Variants in KIAA1217 observed in about 807,000 individuals in gnomAD.
KIAA1217 encodes the protein KIAA1217, also known as sickle tail protein homolog.
KIAA1217 carries 88 observed loss-of-function variants against 163.9 expected under a neutral mutation model. That is an observed-to-expected ratio of 0.54 (90% CI 0.45 to 0.64). KIAA1217 has a LOEUF of 0.64. Among genes scored for constraint, KIAA1217 ranks in the 30% least tolerant of loss-of-function variants. KIAA1217 has a pLI of 0.00. For synonymous variants in KIAA1217, 903 were observed against 923.1 expected, an observed-to-expected ratio of 0.98 and a Z score of 0.39; for missense variants, 2,372 against 2,475.0, an observed-to-expected ratio of 0.96 and a Z score of 0.88.
Position 24,543,787 on chromosome 10 carries a change from T to C in KIAA1217, c.4517T>C (p.Val1506Ala), listed in dbSNP as rs1462046517. The change falls in exon 19 of 21, where the codon GTG (valine) becomes GCG (alanine). Residue 1506 changes from valine to alanine, a missense_variant. Coordinates refer to ENST00000376454, the MANE Select transcript of KIAA1217 (RefSeq NM_019590.5). ...ACTTCCCAGATGTCTCATAAGAAGG[T>C]GGCCCCAGGCAATCTTAGAACCGGA... is the stretch of plus-strand genomic sequence containing the variant. ...NNTSQMSHKKVAPGNLRTGQQ... is the reference protein window; with the variant it reads ...NNTSQMSHKKAAPGNLRTGQQ... 6.2e-7 allele frequency: 1 copy of C among 1,613,422 alleles called. No individual in the cohort carries two copies. The highest frequency in any genetic ancestry group is 8.5e-7 in the Non-Finnish European group (1 of 1,179,828).
intron 2 of KIAA1217, among the ~76,000 whole-genome samples, chr10:24,162,638 C>T (rs2065171342): frequency 6.6e-6 from 1 of 152,204 alleles, no homozygotes; most frequent in African/African-American, 2.4e-5. Context: ...AAAAATTGCC[C>T]ACCAGAATAG....
At chr10:23,867,338 T>C (rs933515677) in intron 1 of KIAA1217, among the ~76,000 whole-genome samples, 3 of 151,718 alleles carry the variant, frequency 2.0e-5, no homozygotes, top group African/African-American at 7.2e-5. Flanking sequence ...TATAGCAGCA[T>C]GATTTATAGT....
At chr10:24,465,513 G>T (rs1306247117) in intron 5 of KIAA1217, among the ~76,000 whole-genome samples, 1 of 152,236 alleles carries the variant, frequency 6.6e-6, no homozygotes, top group Non-Finnish European at 1.5e-5. Flanking sequence ...TGGTAGTTGG[G>T]TGTGGCGTGA....
chr10:24,371,896 T>A (rs894202025), intron 2 of KIAA1217, among the ~76,000 whole-genome samples: 1 of 149,584 alleles, frequency 6.7e-6, no homozygotes, highest in African/African-American at 2.4e-5. Flanking sequence ...CATATTCTTA[T>A]TTTGGAGAAA....
At chr10:24,528,998 C>T (rs1027538815) in intron 14 of KIAA1217, among the ~76,000 whole-genome samples, 3 of 152,032 alleles carry the variant, frequency 2.0e-5, no homozygotes, top group Admixed American at 6.6e-5. Context: ...ACAAGCCACG[C>T]GTCTTATTCT....
At chr10:23,832,646 A>G (rs1480246835) in intron 1 of KIAA1217, among the ~76,000 whole-genome samples, 1 of 152,172 alleles carries the variant, frequency 6.6e-6, no homozygotes, top group South Asian at 2.1e-4. Context: ...ATTATTCCAC[A>G]GATTACAAGG....
At chr10:24,406,208 T>C (rs2057193440) in intron 3 of KIAA1217, among the ~76,000 whole-genome samples, 1 of 152,212 alleles carries the variant, frequency 6.6e-6, no homozygotes, top group African/African-American at 2.4e-5. Flanking sequence ...GTTTTCTTCA[T>C]CAAGCTATAA....
At chr10:24,281,140 C>T (rs189098614) in intron 2 of KIAA1217, among the ~76,000 whole-genome samples, 4 of 152,314 alleles carry the variant, frequency 2.6e-5, no homozygotes, top group Admixed American at 2.6e-4. Context: ...GTGAAGATAG[C>T]ACAGAGCTCC....
chr10:23,851,515 T>C (rs1205875615), intron 1 of KIAA1217, among the ~76,000 whole-genome samples: 1 of 152,222 alleles, frequency 6.6e-6, no homozygotes, highest in Non-Finnish European at 1.5e-5. Flanking sequence ...TACAGTCCTT[T>C]GGGCATATAC....
chr10:24,080,843 T>C (rs546005317), intron 2 of KIAA1217, among the ~76,000 whole-genome samples: 5 of 152,330 alleles, frequency 3.3e-5, no homozygotes, highest in Admixed American at 6.5e-5. Context: ...GAAAACACAA[T>C]GATTAACTTA....
chr10:24,503,681 G>A (rs891978494), intron 9 of KIAA1217, among the ~76,000 whole-genome samples: 2 of 152,170 alleles, frequency 1.3e-5, no homozygotes, highest in Non-Finnish European at 2.9e-5. Flanking sequence ...TAAAAATGTT[G>A]GAAAGTAATT....
intron 2 of KIAA1217, among the ~76,000 whole-genome samples, chr10:24,309,035 A>C (rs1442627885): frequency 3.3e-5 from 5 of 150,390 alleles, no homozygotes. Context: ...AGGTCGGAGG[A>C]TCACTTGAAC....
intron 1 of KIAA1217, among the ~76,000 whole-genome samples, chr10:23,790,284 C>CATATGCACATATGCATATAT (rs772778015): frequency 0.052 from 270 of 5,224 alleles, 124 homozygotes; most frequent in East Asian, 0.33. Flanking sequence ...TATGCATATG[C>CATATGCACATATGCATATAT]ACATATGCAT....
At chr10:24,471,262 C>T (rs1490640559) in intron 5 of KIAA1217, among the ~76,000 whole-genome samples, 1 of 152,074 alleles carries the variant, frequency 6.6e-6, no homozygotes, top group East Asian at 1.9e-4. Flanking sequence ...CTCCCTCATC[C>T]ACCCTCCAAC....
intron 1 of KIAA1217, among the ~76,000 whole-genome samples, chr10:23,767,741 G>A (rs1005353229): frequency 1.3e-5 from 2 of 152,114 alleles, no homozygotes; most frequent in African/African-American, 4.8e-5. Context: ...GGGTTTTAGT[G>A]CCTTTCTCCC....
At chr10:24,231,983 G>A (rs1366160439) in intron 2 of KIAA1217, among the ~76,000 whole-genome samples, 1 of 152,098 alleles carries the variant, frequency 6.6e-6, no homozygotes, top group Non-Finnish European at 1.5e-5. Flanking sequence ...TAGTAGAGAT[G>A]GGGTTTCACC....
chr10:24,137,829 CTTCTT>C (rs1287092150), intron 2 of KIAA1217, among the ~76,000 whole-genome samples: 1 of 152,130 alleles, frequency 6.6e-6, no homozygotes, highest in East Asian at 1.9e-4. Context: ...AGTAAAAACA[CTTCTT>C]TTCTATGCAT....
At chr10:24,044,796 A>G (rs1589283862) in intron 2 of KIAA1217, among the ~76,000 whole-genome samples, 1 of 152,098 alleles carries the variant, frequency 6.6e-6, no homozygotes. Flanking sequence ...ATTTTCTCTT[A>G]CAGTTTTAAA....
chr10:23,795,591 G>C (rs545043820), intron 1 of KIAA1217, among the ~76,000 whole-genome samples: 2 of 152,270 alleles, frequency 1.3e-5, no homozygotes, highest in Admixed American at 1.3e-4. Context: ...GGTCCAAAAG[G>C]CTGGATATCT....
Sources: allele counts gnomAD v4.1 joint callset (sites outside exome capture counted in the v4.1 genomes callset), GRCh38; gene constraint gnomAD v4.1.1; transcripts MANE v1.5; gene names NCBI Gene and HGNC (gene_info 2026-07-23, HGNC 2026-07-21).